The following USP12 variants were observed in gnomAD, a reference collection of about 807,000 sequenced individuals.
The protein encoded by USP12 is ubiquitin carboxyl-terminal hydrolase 12.
In USP12, 19 loss-of-function variants were observed where a neutral mutation model predicts 45.5. The ratio of observed to expected loss-of-function variants is 0.42; its 90% CI spans 0.29 to 0.61. The LOEUF is 0.61. Among genes scored for constraint, USP12 ranks in the 20% least tolerant of loss-of-function variants. USP12 has a pLI of 0.22. For synonymous variants in USP12, 149 were observed against 148.8 expected, an observed-to-expected ratio of 1.00 and a Z score of -0.01; for missense variants, 242 against 447.7, an observed-to-expected ratio of 0.54 and a Z score of 4.15.
At chr13:27,158,006 G>A (rs1418888258) in intron 1 of USP12, among the ~76,000 whole-genome samples, 1 of 152,202 alleles carries the variant, frequency 6.6e-6, no homozygotes, top group Admixed American at 6.5e-5. Flanking sequence ...CAATGGACCT[G>A]ATTGCGCCAT....
intron 1 of USP12, among the ~76,000 whole-genome samples, chr13:27,159,556 G>C (rs1454978476): frequency 6.6e-6 from 1 of 152,116 alleles, no homozygotes; most frequent in African/African-American, 2.4e-5. Flanking sequence ...TGTTAACTTG[G>C]ATGTCAACCA....
chr13:27,095,199 G>A (rs1272080002), intron 4 of USP12, among the ~76,000 whole-genome samples: 1 of 152,046 alleles, frequency 6.6e-6, no homozygotes, highest in African/African-American at 2.4e-5. Context: ...CCTCCTTGAG[G>A]GTACACTGTA....
chr13:27,086,294 CACA>C (rs1874042750), intron 6 of USP12, among the ~76,000 whole-genome samples: 1 of 145,288 alleles, frequency 6.9e-6, no homozygotes, highest in African/African-American at 2.5e-5. Flanking sequence ...CACACACACA[CACA>C]CACACACACA....
intron 3 of USP12, among the ~76,000 whole-genome samples, chr13:27,104,041 C>CT (rs979518969): frequency 6.0e-5 from 9 of 150,678 alleles, no homozygotes; most frequent in East Asian, 1.9e-4. Context: ...CTTCTGAACT[C>CT]TTTTTTTTTA....
intron 1 of USP12, among the ~76,000 whole-genome samples, chr13:27,120,944 C>T (rs1230306949): frequency 6.6e-6 from 1 of 152,080 alleles, no homozygotes; most frequent in Non-Finnish European, 1.5e-5. Flanking sequence ...GAGAGATAAG[C>T]AAACACCAAA....
chr13:27,071,224 T>C (rs772047112), intron 7 of USP12, 75 bp from the exon 8 acceptor site: 2 of 1,316,718 alleles, frequency 1.5e-6, no homozygotes, highest in African/African-American at 3.0e-5. Flanking sequence ...TTTTGTTTTA[T>C]AAAGAAACAG....
chr13:27,099,080 T>C (rs1874733085), intron 3 of USP12, among the ~76,000 whole-genome samples: 1 of 152,100 alleles, frequency 6.6e-6, no homozygotes, highest in African/African-American at 2.4e-5. Flanking sequence ...CTAAAAATAG[T>C]TCCCATAAAA....
At chr13:27,162,259 T>G (rs1205543129) in intron 1 of USP12, among the ~76,000 whole-genome samples, 1 of 152,112 alleles carries the variant, frequency 6.6e-6, no homozygotes, top group Non-Finnish European at 1.5e-5. Flanking sequence ...CCTACCCAAG[T>G]GAAAATAATT....
intron 1 of USP12, among the ~76,000 whole-genome samples, chr13:27,169,527 C>T (rs1878489908): frequency 6.6e-6 from 1 of 152,148 alleles, no homozygotes; most frequent in Non-Finnish European, 1.5e-5. Flanking sequence ...AATACAGACA[C>T]ACCCAATTTT....
chr13:27,163,036 C>A (rs762469233), intron 1 of USP12: 2 of 152,164 alleles, frequency 1.3e-5, no homozygotes, highest in Admixed American at 1.3e-4. Context: ...TAACAACCCA[C>A]TGAACTGTCC....
At chr13:27,085,180 CT>C (rs869073528) in intron 6 of USP12, among the ~76,000 whole-genome samples, 2 of 72,538 alleles carry the variant, frequency 2.8e-5, no homozygotes, top group Admixed American at 1.2e-4. Context: ...TTCTTTCTTT[CT>C]TTTTTTTTTG....
rs115899767 is a variant in USP12 at position 27,101,443 on chromosome 13, T to C, written c.343+4288A>G. ...TTGCTTTGGAAGTTAAACAATTTCA[T>C]TCATTCATTCACTCATTCAATAAAT... On this transcript the variant is annotated intron_variant, in intron 3 of 8. Transcript: ENST00000282344. 4.7e-3 allele frequency among the ~76,000 whole-genome samples: 716 copies of C among 152,352 alleles called. 6 individuals carry two copies. The highest frequency in any genetic ancestry group is 0.016 in the African/African-American group (681 of 41,572).
intron 7 of USP12, among the ~76,000 whole-genome samples, chr13:27,071,723 C>A (rs983900725): frequency 6.6e-6 from 1 of 152,172 alleles, no homozygotes; most frequent in South Asian, 2.1e-4. Context: ...ATTCTTAATA[C>A]CATTATAACT....
intron 1 of USP12, among the ~76,000 whole-genome samples, chr13:27,160,430 G>GA (rs140967288): frequency 0.021 from 2,636 of 123,472 alleles, 81 homozygotes; most frequent in African/African-American, 0.074. Context: ...TCCTCAAATT[G>GA]AAAAAAAAAA....
intron 1 of USP12, among the ~76,000 whole-genome samples, chr13:27,125,737 G>C (rs940522924): frequency 1.3e-5 from 2 of 152,244 alleles, no homozygotes; most frequent in Non-Finnish European, 2.9e-5. Context: ...CCTGGAGGAA[G>C]GGTACACTAC....
chr13:27,152,963 A>G (rs529600670), intron 1 of USP12, among the ~76,000 whole-genome samples: 2 of 135,680 alleles, frequency 1.5e-5, no homozygotes, highest in African/African-American at 5.4e-5. Flanking sequence ...AAAAAAAGAA[A>G]GAAAGAAAAG....
At chr13:27,143,563 T>G (rs1877168013) in intron 1 of USP12, among the ~76,000 whole-genome samples, 1 of 152,196 alleles carries the variant, frequency 6.6e-6, no homozygotes, top group Non-Finnish European at 1.5e-5. Flanking sequence ...ATTGGTCAAC[T>G]GCCAAATCCC....
chr13:27,070,363 G>A (rs533932514), intron 8 of USP12, among the ~76,000 whole-genome samples: 1 of 152,160 alleles, frequency 6.6e-6, no homozygotes, highest in African/African-American at 2.4e-5. Flanking sequence ...TGTTGAAAAT[G>A]AATTGTATCT....
At chr13:27,143,049 C>T (rs1435638492) in intron 1 of USP12, among the ~76,000 whole-genome samples, 1 of 150,408 alleles carries the variant, frequency 6.6e-6, no homozygotes, top group Non-Finnish European at 1.5e-5. Flanking sequence ...GCCAAGATCA[C>T]GCCACTGCAC....
Sources: gnomAD v4.1 joint callset for allele counts (sites outside exome capture counted in the v4.1 genomes callset) on GRCh38, gnomAD v4.1.1 for gene constraint, MANE v1.5 for transcripts, NCBI Gene and HGNC (gene_info 2026-07-23, HGNC 2026-07-21) for gene names.